The following TBL1X variants were observed in gnomAD, a reference collection of about 807,000 sequenced individuals.
The protein encoded by TBL1X is F-box-like/WD repeat-containing protein TBL1X.
TBL1X carries 10 observed loss-of-function variants against 50.7 expected under a neutral mutation model. The observed-to-expected ratio is 0.20, with a 90% CI of 0.12 to 0.33. The LOEUF is 0.33. Ranked by LOEUF, TBL1X falls within the 10% of genes least tolerant of loss-of-function variation. The probability of loss-of-function intolerance (pLI) is 1.00; values close to 1 mark genes in which losing one functional copy is unlikely to be tolerated. For missense variants in TBL1X, 340 were observed against 504.4 expected (o/e 0.67, Z 3.12); for synonymous variants, 190 against 214.7 (o/e 0.88, Z 1.01).
chrX:9,567,988 G>A (rs758485404), intron 2 of TBL1X, among the ~76,000 whole-genome samples: 1 of 112,101 alleles, frequency 8.9e-6, no homozygotes, highest in East Asian at 2.8e-4. Flanking sequence ...CCTCTGTGCA[G>A]TGGGGCAGTT....
chrX:9,532,437 AG>A, intron 2 of TBL1X, among the ~76,000 whole-genome samples: 2 of 111,914 alleles, frequency 1.8e-5, no homozygotes, highest in East Asian at 5.7e-4. Context: ...CGTAGCGGTT[AG>A]GGGGCAAGCC....
intron 1 of TBL1X, among the ~76,000 whole-genome samples, chrX:9,485,619 C>T (rs1289225231): frequency 8.9e-6 from 1 of 111,951 alleles, no homozygotes; most frequent in Non-Finnish European, 1.9e-5. Context: ...GTGTTGTCAG[C>T]ACCCGCCCAC....
intron 2 of TBL1X, among the ~76,000 whole-genome samples, chrX:9,612,045 G>T (rs189494965): frequency 1.8e-5 from 2 of 112,929 alleles, no homozygotes; most frequent in African/African-American, 6.4e-5. Flanking sequence ...GCAAACATTC[G>T]CCTGGACCTT....
chrX:9,676,050 A>G (rs2082992237), intron 5 of TBL1X, among the ~76,000 whole-genome samples: 1 of 112,042 alleles, frequency 8.9e-6, no homozygotes, highest in South Asian at 3.7e-4. Flanking sequence ...CCAAAGTCAT[A>G]TCTTGACTTT....
intron 2 of TBL1X, among the ~76,000 whole-genome samples, chrX:9,517,368 C>T (rs1028196024): frequency 3.6e-5 from 4 of 111,124 alleles, no homozygotes; most frequent in Non-Finnish European, 5.7e-5. Flanking sequence ...CCCCGACCTC[C>T]GAGGCCCAGG....
At chrX:9,712,586 T>C (rs2238875) in intron 16 of TBL1X, among the ~76,000 whole-genome samples, 44,405 of 111,031 alleles carry the variant, frequency 0.4, 7,029 homozygotes, top group East Asian at 0.69. Context: ...ATCCGCCCAC[T>C]TTTGCCTCCC....
At chrX:9,580,821 T>C (rs1001837377) in intron 2 of TBL1X, among the ~76,000 whole-genome samples, 1 of 111,340 alleles carries the variant, frequency 9.0e-6, no homozygotes, top group Non-Finnish European at 1.9e-5. Context: ...CCTTAAGAGG[T>C]TGTGGTGACC....
chrX:9,708,327 C>T (rs1384588420), intron 13 of TBL1X, among the ~76,000 whole-genome samples: 1 of 112,364 alleles, frequency 8.9e-6, no homozygotes, highest in East Asian at 2.8e-4. Context: ...GTGCCGATCA[C>T]GAGCCCCCAG....
chrX:9,513,420 C>T (rs1248842936), intron 2 of TBL1X, among the ~76,000 whole-genome samples: 1 of 111,508 alleles, frequency 9.0e-6, no homozygotes, highest in Non-Finnish European at 1.9e-5. Flanking sequence ...TAACCTCTTT[C>T]TGCCTTAGTT....
chrX:9,598,375 G>A (rs1379505211), intron 2 of TBL1X, among the ~76,000 whole-genome samples: 1 of 112,142 alleles, frequency 8.9e-6, no homozygotes, highest in Non-Finnish European at 1.9e-5. Flanking sequence ...AAAGAATACT[G>A]TGCTTCAGCT....
intron 2 of TBL1X, among the ~76,000 whole-genome samples, chrX:9,615,344 G>A (rs1188179826): frequency 2.7e-5 from 3 of 111,804 alleles, no homozygotes; most frequent in African/African-American, 9.8e-5. Flanking sequence ...CTTGCCTTGT[G>A]TCTGAGTACC....
chrX:9,523,645 G>GC (rs1569214491), intron 2 of TBL1X, among the ~76,000 whole-genome samples: 1 of 112,212 alleles, frequency 8.9e-6, no homozygotes, highest in Non-Finnish European at 1.9e-5. Flanking sequence ...TCAGCGAGGC[G>GC]CCCCCAGCCC....
Position 9,536,126 on chromosome X carries a change from A to G in TBL1X, c.-131+34277A>G, listed in dbSNP as rs772172804. 1.7e-3 allele frequency among the ~76,000 whole-genome samples: 193 copies of G among 111,606 alleles called. No homozygotes were observed. The South Asian group carries it at 0.022, about 12-fold the overall frequency. On this transcript the variant is annotated intron_variant, in intron 2 of 17. Transcript: ENST00000645353. ...CTGTCCTGTGATAACCTCAGTACAT[A>G]TCCTTTCTGTTTTTTAAAGTACCTT...
intron 2 of TBL1X, among the ~76,000 whole-genome samples, chrX:9,612,046 C>T (rs1020768847): frequency 8.9e-6 from 1 of 112,904 alleles, no homozygotes; most frequent in African/African-American, 3.2e-5. Context: ...CAAACATTCG[C>T]CTGGACCTTG....
At chrX:9,689,031 T>C (rs1466328019) in intron 7 of TBL1X, among the ~76,000 whole-genome samples, 1 of 111,418 alleles carries the variant, frequency 9.0e-6, no homozygotes, top group Non-Finnish European at 1.9e-5. Context: ...TGTGTGCGTG[T>C]GTGCGTGCAC....
At chrX:9,707,488 G>T (rs1026887814) in intron 13 of TBL1X, among the ~76,000 whole-genome samples, 14 of 112,558 alleles carry the variant, frequency 1.2e-4, no homozygotes, top group South Asian at 3.6e-4. Flanking sequence ...TGTGGCTGAT[G>T]GCCCTGAACA....
At chrX:9,571,405 T>C (rs1352981818) in intron 2 of TBL1X, among the ~76,000 whole-genome samples, 1 of 112,011 alleles carries the variant, frequency 8.9e-6, no homozygotes, top group Admixed American at 9.4e-5. Context: ...TCTAATTTAT[T>C]TTGAGTTATT....
intron 2 of TBL1X, among the ~76,000 whole-genome samples, chrX:9,622,427 A>G (rs973306483): frequency 9.0e-6 from 1 of 111,180 alleles, no homozygotes; most frequent in African/African-American, 3.3e-5. Flanking sequence ...TAGCGTCTTC[A>G]AGGTTCACAC....
chrX:9,505,980 C>T (rs879098673), intron 2 of TBL1X, among the ~76,000 whole-genome samples: 1 of 112,101 alleles, frequency 8.9e-6, no homozygotes, highest in African/African-American at 3.2e-5. Flanking sequence ...CTCTCTACCC[C>T]AAATCAACAG....
Sources: allele counts gnomAD v4.1 joint callset (sites outside exome capture counted in the v4.1 genomes callset), GRCh38; gene constraint gnomAD v4.1.1; transcripts MANE v1.5; gene names NCBI Gene and HGNC (gene_info 2026-07-23, HGNC 2026-07-21).